ARFGEF1: variants seen among roughly 807,000 people sequenced by gnomAD.
ARFGEF1 encodes brefeldin A-inhibited guanine nucleotide-exchange protein 1.
Under a neutral mutation model 231.0 loss-of-function variants are expected in ARFGEF1, and 42 were observed. That is an observed-to-expected ratio of 0.18 (90% CI 0.14 to 0.24). ARFGEF1 has a LOEUF of 0.24. Among genes scored for constraint, ARFGEF1 ranks in the 10% least tolerant of loss-of-function variants. The probability of loss-of-function intolerance (pLI) is 1.00; values close to 1 mark genes in which losing one functional copy is unlikely to be tolerated. For synonymous variants in ARFGEF1, 710 were observed against 732.3 expected, an observed-to-expected ratio of 0.97 and a Z score of 0.49; for missense variants, 1,345 against 2,192.0, an observed-to-expected ratio of 0.61 and a Z score of 7.72.
intron 1 of ARFGEF1, among the ~76,000 whole-genome samples, chr8:67,325,279 T>G: frequency 6.6e-6 from 1 of 152,020 alleles, no homozygotes; most frequent in South Asian, 2.1e-4. Flanking sequence ...ATACTTAAAC[T>G]ATCATCAACA....
At chr8:67,192,343 A>G (rs1836577912) in intron 5 of ARFGEF1, among the ~76,000 whole-genome samples, 1 of 152,094 alleles carries the variant, frequency 6.6e-6, no homozygotes, top group Non-Finnish European at 1.5e-5. Context: ...CCAGAGTGCT[A>G]GGATTACAGG....
intron 5 of ARFGEF1, among the ~76,000 whole-genome samples, chr8:67,293,342 G>T (rs984863235): frequency 6.6e-6 from 1 of 152,094 alleles, no homozygotes; most frequent in Admixed American, 6.6e-5. Context: ...CTGTATAAGT[G>T]AGGCCTAGCA....
chr8:67,231,815 T>C (rs761250894), intron 23 of ARFGEF1, among the ~76,000 whole-genome samples: 8 of 152,072 alleles, frequency 5.3e-5, no homozygotes, highest in East Asian at 1.9e-4. Flanking sequence ...AGGACAAGAA[T>C]ACCCATCTCA....
chr8:67,284,630 T>C (rs919131987), intron 7 of ARFGEF1, among the ~76,000 whole-genome samples: 2 of 152,150 alleles, frequency 1.3e-5, no homozygotes, highest in South Asian at 2.1e-4. Context: ...GTTTTCAATG[T>C]AGGAAACGGA....
intron 7 of ARFGEF1, among the ~76,000 whole-genome samples, chr8:67,286,771 T>C (rs1299896945): frequency 2.6e-5 from 4 of 152,310 alleles, no homozygotes; most frequent in Admixed American, 6.5e-5. Context: ...TCCCACTTGG[T>C]AATCTCATGG....
At chr8:67,196,765 A>G (rs1838010924), downstream of ARFGEF1, among the ~76,000 whole-genome samples, 1 of 152,234 alleles carries the variant, frequency 6.6e-6, no homozygotes, top group Non-Finnish European at 1.5e-5. Flanking sequence ...CAACATTAAA[A>G]TAATCAACTG....
downstream of ARFGEF1, chr8:67,195,560 C>A: frequency 6.2e-7 from 1 of 1,614,208 alleles, no homozygotes; most frequent in Non-Finnish European, 8.5e-7. Flanking sequence ...CAGGCACTTT[C>A]ACTTGGCAGG....
intron 19 of ARFGEF1, among the ~76,000 whole-genome samples, chr8:67,245,181 AG>A (rs1177772083): frequency 6.6e-6 from 1 of 150,686 alleles, no homozygotes; most frequent in Non-Finnish European, 1.5e-5. Flanking sequence ...ATGAAAGCTG[AG>A]GGATTTCATC....
chr8:67,273,174 AT>A (rs1474716970), intron 9 of ARFGEF1, among the ~76,000 whole-genome samples: 1 of 152,084 alleles, frequency 6.6e-6, no homozygotes, highest in Non-Finnish European at 1.5e-5. Context: ...ATTCTAAATA[AT>A]TCTGTAATGA....
chr8:67,219,138 T>C (rs1163649603), intron 30 of ARFGEF1, among the ~76,000 whole-genome samples: 2 of 152,184 alleles, frequency 1.3e-5, no homozygotes, highest in African/African-American at 4.8e-5. Flanking sequence ...GGATAATTTT[T>C]GTATTTTTAG....
At chr8:67,214,453 G>A (rs1838857081) in intron 33 of ARFGEF1, among the ~76,000 whole-genome samples, 1 of 152,198 alleles carries the variant, frequency 6.6e-6, no homozygotes, top group South Asian at 2.1e-4. Context: ...TGAAAGAACT[G>A]TTAAGCAAAA....
chr8:67,227,847 T>C, intron 25 of ARFGEF1, 116 bp downstream of exon 25: 1 of 934,032 alleles, frequency 1.1e-6, no homozygotes, highest in Non-Finnish European at 1.5e-6. Flanking sequence ...TCTAATTTAA[T>C]ATTAAAAAGT....
At chr8:67,197,294 T>A (rs543041334), downstream of ARFGEF1, among the ~76,000 whole-genome samples, 1,023 of 149,460 alleles carry the variant, frequency 6.8e-3, 5 homozygotes, top group South Asian at 0.027. Context: ...AAAAAAAAAA[T>A]TTTTTTTTAA....
chr8:67,328,436 A>AT (rs1001631019), intron 1 of ARFGEF1, among the ~76,000 whole-genome samples: 3 of 151,668 alleles, frequency 2.0e-5, no homozygotes, highest in Non-Finnish European at 4.4e-5. Flanking sequence ...ACACACAAGT[A>AT]TTTTTTAGTG....
intron 37 of ARFGEF1, 126 bp downstream of exon 37, chr8:67,201,341 G>C: frequency 8.4e-7 from 1 of 1,196,202 alleles, no homozygotes; most frequent in Non-Finnish European, 1.1e-6. Flanking sequence ...TTTTACAACT[G>C]CTCTGTGGAA....
chr8:67,243,919 A>G (rs895843905), intron 19 of ARFGEF1, among the ~76,000 whole-genome samples: 1 of 142,444 alleles, frequency 7.0e-6, no homozygotes, highest in African/African-American at 2.5e-5. Context: ...TTAAAATAAT[A>G]AAAAAAAATC....
chr8:67,341,260 T>C (rs1808613277), intron 1 of ARFGEF1, among the ~76,000 whole-genome samples: 2 of 151,982 alleles, frequency 1.3e-5, no homozygotes, highest in African/African-American at 4.8e-5. Context: ...ATTTAATGTA[T>C]TAAAAATATG....
chr8:67,247,338 T>G (rs1840137482), intron 19 of ARFGEF1, among the ~76,000 whole-genome samples: 1 of 149,940 alleles, frequency 6.7e-6, no homozygotes, highest in Non-Finnish European at 1.5e-5. Flanking sequence ...GCAAAAATCC[T>G]CAACAAAATA....
chr8:67,321,155 A>C (rs150028588), intron 1 of ARFGEF1, among the ~76,000 whole-genome samples: 2 of 143,706 alleles, frequency 1.4e-5, no homozygotes, highest in Non-Finnish European at 3.0e-5. Context: ...TGGTGTGACT[A>C]TAAGTATGGG....
Sources: gnomAD v4.1 joint callset for allele counts (sites outside exome capture counted in the v4.1 genomes callset) on GRCh38, gnomAD v4.1.1 for gene constraint, MANE v1.5 for transcripts, NCBI Gene and HGNC (gene_info 2026-07-23, HGNC 2026-07-21) for gene names.